The following GLCE variants were observed in gnomAD, a reference collection of about 807,000 sequenced individuals.
GLCE encodes D-glucuronyl C5-epimerase.
In GLCE, 19 loss-of-function variants were observed where a neutral mutation model predicts 47.9. The observed-to-expected ratio is 0.40, with a 90% CI of 0.28 to 0.58. The LOEUF is 0.58. GLCE is among the 20% of genes least tolerant of loss of function. The probability of loss-of-function intolerance (pLI) is 0.48; values close to 1 mark genes in which losing one functional copy is unlikely to be tolerated. For synonymous variants in GLCE, 245 were observed against 263.4 expected (o/e 0.93, Z 0.68); for missense variants, 556 against 743.3 (o/e 0.75, Z 2.93).
At chr15:69,201,925 A>G (rs373002703) in intron 1 of GLCE, among the ~76,000 whole-genome samples, 8 of 151,756 alleles carry the variant, frequency 5.3e-5, no homozygotes, top group Admixed American at 3.3e-4. Flanking sequence ...TATTATTATT[A>G]CTGTTATTTT....
chr15:69,248,150 A>G (rs2052781288), intron 2 of GLCE, among the ~76,000 whole-genome samples: 1 of 152,222 alleles, frequency 6.6e-6, no homozygotes, highest in African/African-American at 2.4e-5. Flanking sequence ...GTTTTGCCTT[A>G]TTGTGAGTAG....
chr15:69,213,666 A>G (rs1240518376), intron 2 of GLCE, among the ~76,000 whole-genome samples: 2 of 152,108 alleles, frequency 1.3e-5, no homozygotes, highest in African/African-American at 2.4e-5. Context: ...TATTTGGGGG[A>G]AAATGCTTTG....
intron 1 of GLCE, among the ~76,000 whole-genome samples, chr15:69,209,828 T>C (rs973307126): frequency 6.6e-6 from 1 of 152,052 alleles, no homozygotes; most frequent in African/African-American, 2.4e-5. Context: ...GCAAAAGGGA[T>C]TCACCACATC....
intron 1 of GLCE, among the ~76,000 whole-genome samples, chr15:69,166,388 T>C (rs1470217990): frequency 1.3e-5 from 2 of 152,236 alleles, no homozygotes; most frequent in African/African-American, 4.8e-5. Flanking sequence ...ACATATTTAA[T>C]TCATTTTGTA....
chr15:69,197,254 G>T, intron 1 of GLCE: 2 of 385,156 alleles, frequency 5.2e-6, no homozygotes, highest in South Asian at 4.1e-5. Flanking sequence ...CTTGCCAACT[G>T]ACTACCACTT....
intron 1 of GLCE, among the ~76,000 whole-genome samples, chr15:69,165,080 ACTTTT>A (rs1257516046): frequency 2.0e-5 from 3 of 151,806 alleles, no homozygotes; most frequent in South Asian, 2.1e-4. Context: ...TTATCTTTCA[ACTTTT>A]CTTTTAAGTT....
At chr15:69,261,359 TTTTATGTTGA>T in intron 4 of GLCE, 30 bp downstream of exon 4, 1 of 1,597,286 alleles carries the variant, frequency 6.3e-7, no homozygotes, top group Non-Finnish European at 8.5e-7. Flanking sequence ...TGCCTGCTAA[TTTTATGTTGA>T]TTTATGGGAC....
chr15:69,235,093 CTTTTTTTTTT>C lies in GLCE; in HGVS notation c.-13-20678_-13-20669del, dbSNP rs869212730. Among the ~76,000 whole-genome samples, 255 of 62,858 alleles carry C rather than the reference CTTTTTTTTTT, an allele frequency of 4.1e-3. 2 individuals carry two copies. Among genetic ancestry groups the C allele is most frequent in the African/African-American group, 0.017 (221 of 13,326 alleles). The allele number at this position is 62,858 out of a possible 152,430, so 41.2% of individuals were successfully genotyped here. On this transcript the variant is annotated intron_variant, in intron 2 of 4. Coordinates refer to ENST00000261858, the MANE Select transcript of GLCE (RefSeq NM_015554.3). ...CTGATACAGATAGATGAAGATTATT[CTTTTTTTTTT>C]TTTTTTTTTTTTTTTTTTTTTTGAG...
At chr15:69,168,145 TG>T (rs1296060642) in intron 1 of GLCE, among the ~76,000 whole-genome samples, 1 of 152,034 alleles carries the variant, frequency 6.6e-6, no homozygotes, top group Non-Finnish European at 1.5e-5. Flanking sequence ...TAAAAAAAAG[TG>T]TAAGAGCCGG....
chr15:69,187,521 C>A (rs1040537403), intron 1 of GLCE, among the ~76,000 whole-genome samples: 1 of 152,138 alleles, frequency 6.6e-6, no homozygotes, highest in Non-Finnish European at 1.5e-5. Context: ...ATCCTGCTTT[C>A]TCCTTCCCTT....
intron 2 of GLCE, among the ~76,000 whole-genome samples, chr15:69,255,329 C>T (rs187084833): frequency 1.4e-3 from 206 of 152,256 alleles, no homozygotes; most frequent in Non-Finnish European, 1.9e-3. Context: ...TAAGCATCAA[C>T]GTGATGCTCT....
At chr15:69,258,991 C>T (rs1371111962) in intron 3 of GLCE, among the ~76,000 whole-genome samples, 1 of 152,190 alleles carries the variant, frequency 6.6e-6, no homozygotes. Context: ...TTTTGCCAGC[C>T]ATTTTCCAGA....
chr15:69,238,940 A>G (rs1392360024), intron 2 of GLCE, among the ~76,000 whole-genome samples: 1 of 152,182 alleles, frequency 6.6e-6, no homozygotes, highest in Non-Finnish European at 1.5e-5. Context: ...TGCAAACCAG[A>G]CTTGAAGAAT....
chr15:69,261,249 G>A lies in GLCE; in HGVS notation c.749G>A (p.Trp250Ter). The A allele has an allele frequency of 6.2e-7, 1 of 1,614,012 alleles. No homozygotes were observed. Among genetic ancestry groups the A allele is most frequent in the Non-Finnish European group, 8.5e-7 (1 of 1,179,930 alleles). ...AGAGACAAAAACAAGCCTAATGACT[G>A]GACTGTGCCAAAGGGCTGCTTTATG... The part of the protein sequence containing the change: ...EDRDKNKPND[W>*]TVPKGCFMAN... Residue 250 changes from tryptophan (W) to a stop codon, truncating the protein, a stop_gained, in exon 4 of 5, where the codon TGG becomes TAG. Transcript: ENST00000261858. LOFTEE classifies it high-confidence loss of function.
chr15:69,181,240 A>G (rs1237412148), intron 1 of GLCE, among the ~76,000 whole-genome samples: 2 of 152,204 alleles, frequency 1.3e-5, no homozygotes, highest in Non-Finnish European at 2.9e-5. Flanking sequence ...GATGACTGCT[A>G]ACTATCTGAG....
intron 3 of GLCE, among the ~76,000 whole-genome samples, chr15:69,256,622 G>A (rs548535703): frequency 6.6e-6 from 1 of 152,224 alleles, no homozygotes; most frequent in Admixed American, 6.5e-5. Flanking sequence ...TTTTATTAAC[G>A]TAACTCAGAA....
intron 2 of GLCE, among the ~76,000 whole-genome samples, chr15:69,252,391 G>A (rs191630712): frequency 6.6e-6 from 1 of 152,334 alleles, no homozygotes; most frequent in East Asian, 1.9e-4. Flanking sequence ...GAGCAAGCAG[G>A]TCACATGGCC....
intron 1 of GLCE, among the ~76,000 whole-genome samples, chr15:69,163,340 A>G (rs761911958): frequency 1.3e-5 from 2 of 152,190 alleles, no homozygotes; most frequent in Non-Finnish European, 2.9e-5. Context: ...CTGTCATGTG[A>G]CTTTCCCCTT....
rs117452932 is a variant in GLCE, at chr15:69,249,656, G to A, written c.-13-6138G>A. ...CGAGGGAAAAAAAGCCAATAACAAT[G>A]TAAGTGAATATTTAAAAAACCTATT... On this transcript the variant is annotated intron_variant, in intron 2 of 4. Coordinates refer to ENST00000261858, the MANE Select transcript of GLCE (RefSeq NM_015554.3). Among the ~76,000 whole-genome samples the A allele has an allele frequency of 6.0e-4, 92 of 152,262 alleles. 1 individual carries two copies. In the East Asian group the frequency reaches 0.017, roughly 27 times the overall value.
Sources: gnomAD v4.1 joint callset for allele counts (sites outside exome capture counted in the v4.1 genomes callset) on GRCh38, gnomAD v4.1.1 for gene constraint, MANE v1.5 for transcripts, NCBI Gene and HGNC (gene_info 2026-07-23, HGNC 2026-07-21) for gene names.